Variants in UBE2QL1 observed in about 807,000 individuals in gnomAD.
The protein encoded by UBE2QL1 is ubiquitin-conjugating enzyme E2Q-like protein 1.
UBE2QL1 carries 5 observed loss-of-function variants against 12.6 expected under a neutral mutation model. The observed-to-expected ratio is 0.40, with a 90% CI of 0.21 to 0.83. UBE2QL1 has a LOEUF of 0.83. Ranked by LOEUF, UBE2QL1 falls within the 40% of genes least tolerant of loss-of-function variation. The pLI is 0.37. For missense variants in UBE2QL1, 99 were observed against 222.6 expected (o/e 0.44, Z 3.53); for synonymous variants, 96 against 94.5 (o/e 1.02, Z -0.10).
intron 1 of UBE2QL1, among the ~76,000 whole-genome samples, chr5:6,454,890 TG>T (rs1231912535): frequency 6.6e-6 from 1 of 151,918 alleles, no homozygotes; most frequent in African/African-American, 2.4e-5. Context: ...ATCGATACAC[TG>T]GACTGTTCAG....
At chr5:6,465,459 G>A (rs1416294202) in intron 1 of UBE2QL1, among the ~76,000 whole-genome samples, 1 of 152,240 alleles carries the variant, frequency 6.6e-6, no homozygotes, top group Non-Finnish European at 1.5e-5. Flanking sequence ...CTAAATAGAA[G>A]TGAATATTTT....
Position 6,448,874 on chromosome 5 carries a change from A to C in UBE2QL1, c.-20A>C. On this transcript the variant is annotated 5_prime_UTR_variant, in exon 1 of 2. Transcript: ENST00000399816. ...GCGGCGCGCCAGCAACACTGCACGC[A>C]GGTGCGCAGCCGGCGGCTCATGAAG... is the stretch of plus-strand genomic sequence containing the variant. 6.8e-7 allele frequency: 1 copy of C among 1,479,916 alleles called. No individual in the cohort carries two copies. Among genetic ancestry groups the C allele is most frequent in the Non-Finnish European group, 9.0e-7 (1 of 1,113,024 alleles). 91.7% of individuals were successfully genotyped at this position (1,479,916 alleles called of 1,614,324 possible). A position where few individuals can be genotyped will look rare whatever the true frequency, so the allele number is the denominator to read the frequency against.
Position 6,458,736 on chromosome 5 carries a change from A to G in UBE2QL1, c.354+9489A>G, listed in dbSNP as rs375724860. ...CTCAACTCTGCTTCTCAGCCAAGGA[A>G]AAATAAAAATACCATAGTGGAAACT... On this transcript the variant is annotated intron_variant, in intron 1 of 1. Transcript: ENST00000399816. Among the ~76,000 whole-genome samples the G allele has an allele frequency of 2.2e-4, 33 of 152,338 alleles. 1 individual carries two copies. In the East Asian group the frequency reaches 6.0e-3, roughly 28 times the overall value.
At chr5:6,465,849 G>T (rs1451576358) in intron 1 of UBE2QL1, among the ~76,000 whole-genome samples, 2 of 152,198 alleles carry the variant, frequency 1.3e-5, no homozygotes, top group African/African-American at 2.4e-5. Context: ...GACGGAACCT[G>T]GACTCCTCGC....
rs544019828 is a variant in UBE2QL1, at chr5:6,459,862, G to A, written c.354+10615G>A. Among the ~76,000 whole-genome samples the A allele has an allele frequency of 1.4e-4, 21 of 152,272 alleles. No homozygotes were observed. The South Asian group carries it at 4.4e-3, about 32-fold the overall frequency. ...TGGTTTCTTTCAATCCTAATTATAG[G>A]AAGTGCTGAATTGCAGTTCAAAGTT... On this transcript the variant is annotated intron_variant, in intron 1 of 1. Coordinates refer to ENST00000399816, the MANE Select transcript of UBE2QL1 (RefSeq NM_001145161.3).
Position 6,479,666 on chromosome 5 carries a change from C to A in UBE2QL1, c.355-11552C>A, listed in dbSNP as rs191042819. On this transcript the variant is annotated intron_variant, in intron 1 of 1. Coordinates refer to ENST00000399816, the MANE Select transcript of UBE2QL1 (RefSeq NM_001145161.3). The surrounding 1 kb of genome is among the most constrained non-coding windows in gnomAD (Gnocchi z 4.2). ...CAAGGAGAAAACACAGACCGGGGGT[C>A]TCCTTTGTGCTGAGTAAGTGTTTCG... 6.6e-6 allele frequency among the ~76,000 whole-genome samples: 1 copy of A among 152,328 alleles called. No homozygotes were observed. The highest frequency in any genetic ancestry group is 1.9e-4 in the East Asian group (1 of 5,190).
rs1019324035 is a variant in UBE2QL1 at position 6,478,802 on chromosome 5, C to G, written c.355-12416C>G. Among the ~76,000 whole-genome samples the G allele has an allele frequency of 2.6e-5, 4 of 152,148 alleles. No homozygotes were observed. The highest frequency in any genetic ancestry group is 5.9e-5 in the Non-Finnish European group (4 of 68,022). ...GGGCTTAGGGCTGCAGGTGGATGAT[C>G]TCCTGCGCACGTGGGAGAGTGATCC... On this transcript the variant is annotated intron_variant, in intron 1 of 1. Transcript: ENST00000399816. This position sits in a 1 kb window ranked among gnomAD's most constrained non-coding sequence, Gnocchi z 4.5.
chr5:6,486,352 A>G (rs1734467958), intron 1 of UBE2QL1, among the ~76,000 whole-genome samples: 1 of 151,842 alleles, frequency 6.6e-6, no homozygotes, highest in South Asian at 2.1e-4. Flanking sequence ...ACACACACAC[A>G]CACTTAAATT....
At chr5:6,467,171 C>G (rs1368770102) in intron 1 of UBE2QL1, among the ~76,000 whole-genome samples, 1 of 152,126 alleles carries the variant, frequency 6.6e-6, no homozygotes, top group Non-Finnish European at 1.5e-5. Context: ...CTCTGCCTCC[C>G]TCCCTCCCTG....
chr5:6,450,095 C>G (rs1383890446), intron 1 of UBE2QL1, among the ~76,000 whole-genome samples: 9 of 150,014 alleles, frequency 6.0e-5, no homozygotes, highest in East Asian at 2.0e-4. Context: ...GACCCCCCCC[C>G]CCCACGGCAA....
In UBE2QL1 at chr5:6,491,269, G is replaced by A. The variant is rs1734563992; in HGVS notation, c.406G>A (p.Glu136Lys). ...ATCAAAAAAGTCCTTCAGTCGCAAG[G>A]AAGCTGAAGCTACCTTTAAGAGTTT... Reference protein sequence around the residue: ...GKSKKSFSRKEAEATFKSLVK... With the variant: ...GKSKKSFSRKKAEATFKSLVK... Residue 136 changes from glutamate to lysine, a missense_variant, in exon 2 of 2, where the codon GAA becomes AAA. Glu to Lys is a moderately conservative substitution (Grantham distance 56). Transcript: ENST00000399816. 3 of 1,551,586 alleles carry A rather than the reference G, an allele frequency of 1.9e-6. No homozygotes were observed. The highest frequency in any genetic ancestry group is 2.6e-6 in the Non-Finnish European group (3 of 1,146,998).
At chr5:6,482,516 C>T (rs754856013) in intron 1 of UBE2QL1, among the ~76,000 whole-genome samples, 2 of 152,190 alleles carry the variant, frequency 1.3e-5, no homozygotes, top group Non-Finnish European at 2.9e-5. Flanking sequence ...AACCACCTTC[C>T]CCTGGAAGTT....
chr5:6,449,300 CGCCGCCGGG>C, intron 1 of UBE2QL1, 53 bp downstream of exon 1: 1 of 1,301,864 alleles, frequency 7.7e-7, no homozygotes, highest in Non-Finnish European at 9.7e-7. Context: ...GGGTCTGCAG[CGCCGCCGGG>C]CGCCCGGGCC....
At chr5:6,484,350 C>T (rs1158775991) in intron 1 of UBE2QL1, among the ~76,000 whole-genome samples, 1 of 152,164 alleles carries the variant, frequency 6.6e-6, no homozygotes, top group African/African-American at 2.4e-5. Flanking sequence ...TTCTGGGCCC[C>T]TCCTCAGGCC....
intron 1 of UBE2QL1, among the ~76,000 whole-genome samples, chr5:6,480,074 CGTTTGT>C (rs1470036086): frequency 6.6e-6 from 1 of 152,154 alleles, no homozygotes; most frequent in African/African-American, 2.4e-5. Context: ...TCACTTTTTT[CGTTTGT>C]GTTTGTTTGT....
At chr5:6,469,199 GT>G (rs1259790917) in intron 1 of UBE2QL1, among the ~76,000 whole-genome samples, 1 of 152,112 alleles carries the variant, frequency 6.6e-6, no homozygotes, top group East Asian at 1.9e-4. Context: ...CAGATCAATT[GT>G]TATCTTCATG....
intron 1 of UBE2QL1, among the ~76,000 whole-genome samples, chr5:6,474,811 C>A (rs532267406): frequency 4.0e-4 from 61 of 152,276 alleles, no homozygotes; most frequent in Non-Finnish European, 7.6e-4. Flanking sequence ...CATCCTCACA[C>A]GTGGTGAGAA....
intron 1 of UBE2QL1, among the ~76,000 whole-genome samples, chr5:6,482,186 G>A (rs1560935685): frequency 1.3e-5 from 2 of 152,216 alleles, no homozygotes; most frequent in Admixed American, 1.3e-4. Context: ...GGTGCTGGCA[G>A]CCCCTGAGCG....
chr5:6,464,305 A>T (rs1359351853), intron 1 of UBE2QL1, among the ~76,000 whole-genome samples: 1 of 152,218 alleles, frequency 6.6e-6, no homozygotes, highest in East Asian at 1.9e-4. Context: ...CTGCAGTAGG[A>T]ACAATGAAAC....
Sources: gnomAD v4.1 joint callset for allele counts (sites outside exome capture counted in the v4.1 genomes callset) on GRCh38, gnomAD v4.1.1 for gene constraint, Gnocchi (gnomAD v3.1) non-coding constraint, MANE v1.5 for transcripts, NCBI Gene and HGNC (gene_info 2026-07-23, HGNC 2026-07-21) for gene names.